Variants in STT3B observed in about 807,000 individuals in gnomAD.
STT3B encodes the protein STT3 oligosaccharyltransferase complex catalytic subunit B.
A neutral mutation model predicts 96.8 loss-of-function variants in STT3B; 29 were observed. The observed-to-expected ratio is 0.30, with a 90% confidence interval of 0.22 to 0.41. STT3B has a LOEUF of 0.41. Among genes scored for constraint, STT3B ranks in the 10% least tolerant of loss-of-function variants. The pLI, the probability that STT3B is intolerant of heterozygous loss-of-function variation, is 1.00. For missense variants in STT3B, 640 were observed against 1,022.3 expected, an observed-to-expected ratio of 0.63 and a Z score of 5.10; for synonymous variants, 367 against 360.0, an observed-to-expected ratio of 1.02 and a Z score of -0.22.
At chr3:31,614,591 A>C (rs1699262178) in intron 5 of STT3B, among the ~76,000 whole-genome samples, 1 of 151,968 alleles carries the variant, frequency 6.6e-6, no homozygotes. Flanking sequence ...CTTGGTGGAC[A>C]TATGAATTTA....
chr3:31,601,140 G>A (rs934061205), intron 5 of STT3B, among the ~76,000 whole-genome samples: 5 of 152,090 alleles, frequency 3.3e-5, no homozygotes, highest in Non-Finnish European at 5.9e-5. Context: ...TAGTAGCTTG[G>A]CAATTTCTCA....
chr3:31,548,910 T>A (rs1487883157), intron 1 of STT3B, among the ~76,000 whole-genome samples: 1 of 152,242 alleles, frequency 6.6e-6, no homozygotes, highest in Non-Finnish European at 1.5e-5. Flanking sequence ...AAAAAACTGC[T>A]TACTACATTC....
intron 3 of STT3B, among the ~76,000 whole-genome samples, chr3:31,583,632 A>G (rs1390738178): frequency 6.6e-6 from 1 of 152,226 alleles, no homozygotes; most frequent in Admixed American, 6.5e-5. Flanking sequence ...CATCTCTTAC[A>G]TAACTGCATG....
At chr3:31,578,912 A>G (rs923454969) in intron 2 of STT3B, among the ~76,000 whole-genome samples, 11 of 152,142 alleles carry the variant, frequency 7.2e-5, no homozygotes, top group African/African-American at 2.7e-4. Context: ...TGGGGGAGAG[A>G]GGTTGCAGTT....
intron 3 of STT3B, among the ~76,000 whole-genome samples, chr3:31,592,333 G>A (rs1698685925): frequency 6.6e-6 from 1 of 152,122 alleles, no homozygotes; most frequent in South Asian, 2.1e-4. Flanking sequence ...GTATGTACAT[G>A]CCATATTTGG....
At chr3:31,537,624 A>G (rs1490839840) in intron 1 of STT3B, among the ~76,000 whole-genome samples, 1 of 151,874 alleles carries the variant, frequency 6.6e-6, no homozygotes, top group East Asian at 1.9e-4. Flanking sequence ...TTCCCCCTTT[A>G]TGGTTTTCAT....
intron 9 of STT3B, among the ~76,000 whole-genome samples, chr3:31,620,623 G>A (rs953225488): frequency 1.3e-5 from 2 of 152,146 alleles, no homozygotes; most frequent in African/African-American, 4.8e-5. Context: ...CAAGTATTTA[G>A]GGTTCTATAT....
rs10696158 is a variant in STT3B at position 31,543,067 on chromosome 3, C to CAAAAAAAA, written c.314+9765_314+9772dup. Among the ~76,000 whole-genome samples the CAAAAAAAA allele has an allele frequency of 2.6e-3, 286 of 108,958 alleles. 7 individuals are homozygous for CAAAAAAAA. Among genetic ancestry groups the CAAAAAAAA allele is most frequent in the African/African-American group, 7.9e-3 (209 of 26,620 alleles). The allele number at this position is 108,958 out of a possible 152,430, so 71.5% of individuals were successfully genotyped here. ...GGCAACAGAGTGAGACTCCATCTCACAAAAAAAAAAAAAAAAAGAGAAAGA... is the reference window on the plus strand; with the variant it reads ...GGCAACAGAGTGAGACTCCATCTCACAAAAAAAAAAAAAAAAAAAAAAAAAGAGAAAGA... On this transcript the variant is annotated intron_variant, in intron 1 of 15. Coordinates refer to ENST00000295770, the MANE Select transcript of STT3B (RefSeq NM_178862.3).
intron 1 of STT3B, among the ~76,000 whole-genome samples, chr3:31,534,506 C>G (rs982311214): frequency 1.3e-4 from 19 of 152,000 alleles, no homozygotes; most frequent in African/African-American, 4.6e-4. Context: ...ACAGTTAGAC[C>G]TAATTAAATT....
At chr3:31,573,128 C>T (rs1698196321) in intron 1 of STT3B, among the ~76,000 whole-genome samples, 1 of 151,930 alleles carries the variant, frequency 6.6e-6, no homozygotes, top group South Asian at 2.1e-4. Context: ...ATGAGGTGAG[C>T]TTGGAGGACT....
chr3:31,610,732 T>C (rs922557056), intron 5 of STT3B, among the ~76,000 whole-genome samples: 5 of 152,182 alleles, frequency 3.3e-5, no homozygotes, highest in African/African-American at 4.8e-5. Flanking sequence ...TTATTACTTA[T>C]CTGTCCCAGA....
Position 31,532,934 on chromosome 3 carries a change from C to G in STT3B, c.-65C>G. ...CCTCCTCCTCCTCCGGGTCCCCGCC[C>G]AGCACCCCTCGCACCAGGCGGCGGC... On this transcript the variant is annotated 5_prime_UTR_variant, in exon 1 of 16. Coordinates refer to ENST00000295770, the MANE Select transcript of STT3B (RefSeq NM_178862.3). 1 of 1,527,330 alleles carries G rather than the reference C, an allele frequency of 6.5e-7. No homozygotes were observed. The highest frequency in any genetic ancestry group is 8.8e-7 in the Non-Finnish European group (1 of 1,140,372). The allele number at this position is 1,527,330 out of a possible 1,614,324, so 94.6% of individuals were successfully genotyped here.
rs1169847615 is a variant in STT3B at position 31,619,625 on chromosome 3, ACTC to A, written c.1173-48_1173-46del. 4 of 1,478,472 alleles carry A rather than the reference ACTC, an allele frequency of 2.7e-6. No homozygotes were observed. The South Asian group carries it at 3.7e-5, about 14-fold the overall frequency. The allele number at this position is 1,478,472 out of a possible 1,614,324, so 91.6% of individuals were successfully genotyped here. A position where few individuals can be genotyped will look rare whatever the true frequency, so the allele number is the denominator to read the frequency against. On this transcript the variant is annotated intron_variant, in intron 8 of 15. Transcript: ENST00000295770. ...AACAAGATTTCTTCATCTAAAAGGA[ACTC>A]CTGTTTTATCACTTAATTGTAAACA...
chr3:31,549,394 A>T (rs1186812587), intron 1 of STT3B, among the ~76,000 whole-genome samples: 1 of 151,354 alleles, frequency 6.6e-6, no homozygotes, highest in Non-Finnish European at 1.5e-5. Flanking sequence ...GCCTGTATAC[A>T]TTGCTTATTT....
intron 5 of STT3B, among the ~76,000 whole-genome samples, chr3:31,613,026 G>T (rs1336605865): frequency 6.6e-6 from 1 of 152,132 alleles, no homozygotes; most frequent in Non-Finnish European, 1.5e-5. Flanking sequence ...GACAGATGCA[G>T]ATTTGTGGTT....
intron 1 of STT3B, among the ~76,000 whole-genome samples, chr3:31,540,268 TTGTC>T (rs1380063699): frequency 4.6e-5 from 7 of 152,166 alleles, no homozygotes; most frequent in Admixed American, 1.3e-4. Context: ...TGTGTACTGG[TTGTC>T]TGTAATCTCC....
At chr3:31,613,928 T>G (rs1699244194) in intron 5 of STT3B, among the ~76,000 whole-genome samples, 1 of 151,990 alleles carries the variant, frequency 6.6e-6, no homozygotes, top group Non-Finnish European at 1.5e-5. Context: ...TTGAGGTCAG[T>G]GGAAACTTTA....
At chr3:31,539,135 C>A (rs750699546) in intron 1 of STT3B, among the ~76,000 whole-genome samples, 1 of 152,044 alleles carries the variant, frequency 6.6e-6, no homozygotes, top group Non-Finnish European at 1.5e-5. Flanking sequence ...TGAAAAACAT[C>A]TAAACATGTT....
intron 3 of STT3B, among the ~76,000 whole-genome samples, chr3:31,589,476 A>G (rs559966383): frequency 2.0e-5 from 3 of 152,030 alleles, no homozygotes; most frequent in Non-Finnish European, 4.4e-5. Flanking sequence ...TTCCATTACA[A>G]TGCAAATAGG....
Sources: gnomAD v4.1 joint callset for allele counts (sites outside exome capture counted in the v4.1 genomes callset) on GRCh38, gnomAD v4.1.1 for gene constraint, MANE v1.5 for transcripts, NCBI Gene and HGNC (gene_info 2026-07-23, HGNC 2026-07-21) for gene names.